Variants in NAV2 observed in about 807,000 individuals in gnomAD.
NAV2 encodes neuron navigator 2, also known as helicase, APC down-regulated 1.
A neutral mutation model predicts 223.2 loss-of-function variants in NAV2; 54 were observed. The ratio of observed to expected loss-of-function variants is 0.24; its 90% CI spans 0.19 to 0.30. The LOEUF is 0.30. Ranked by LOEUF, NAV2 falls within the 10% of genes least tolerant of loss-of-function variation. The probability of loss-of-function intolerance (pLI) is 1.00; values close to 1 mark genes in which losing one functional copy is unlikely to be tolerated. For missense variants in NAV2, 2,806 were observed against 3,147.5 expected (o/e 0.89, Z 2.60); for synonymous variants, 1,279 against 1,239.3 (o/e 1.03, Z -0.67).
chr11:19,850,566 G>A (rs1233429859), intron 3 of NAV2, among the ~76,000 whole-genome samples: 1 of 152,090 alleles, frequency 6.6e-6, no homozygotes, highest in African/African-American at 2.4e-5. Flanking sequence ...GTATTAATTT[G>A]GAAGTTCCTA....
chr11:19,867,251 A>T (rs1017389382), intron 3 of NAV2, among the ~76,000 whole-genome samples: 1 of 152,130 alleles, frequency 6.6e-6, no homozygotes, highest in African/African-American at 2.4e-5. Flanking sequence ...CCCCTCCCTC[A>T]TTCCCTCTAA....
At chr11:19,431,310 G>A (rs970982870) in intron 1 of NAV2, among the ~76,000 whole-genome samples, 2 of 152,168 alleles carry the variant, frequency 1.3e-5, no homozygotes, top group Admixed American at 6.5e-5. Context: ...TCTTTGCTGC[G>A]TTTAACGACT....
At chr11:19,495,297 A>G (rs2042759566) in intron 1 of NAV2, among the ~76,000 whole-genome samples, 1 of 152,224 alleles carries the variant, frequency 6.6e-6, no homozygotes, top group South Asian at 2.1e-4. Context: ...TCCAGAAATG[A>G]AGTAGTCCCT....
In NAV2 at chr11:19,770,462, A is replaced by G. The variant is rs986158287; in HGVS notation, c.267+56500A>G. The stretch of plus-strand genomic sequence containing the variant: ...GGGTCAGAGGTCTCCCAAAGATTGC[A>G]CAATTTCAACCCTTATCTGCTGCAT... On this transcript the variant is annotated intron_variant, in intron 1 of 37. Coordinates refer to ENST00000349880, the MANE Select transcript of NAV2 (RefSeq NM_145117.5). Among the ~76,000 whole-genome samples, 6 of 151,998 alleles carry G rather than the reference A, an allele frequency of 3.9e-5. 1 individual carries two copies.
intron 3 of NAV2, among the ~76,000 whole-genome samples, chr11:19,867,071 T>C (rs1358695907): frequency 6.6e-6 from 1 of 152,208 alleles, no homozygotes; most frequent in East Asian, 1.9e-4. Flanking sequence ...TACCACTGTG[T>C]ACAAAAGTAG....
At chr11:19,878,186 C>T (rs1388988522) in intron 4 of NAV2, among the ~76,000 whole-genome samples, 1 of 152,140 alleles carries the variant, frequency 6.6e-6, no homozygotes, top group Non-Finnish European at 1.5e-5. Flanking sequence ...TAAGAGCTCC[C>T]CACTCCCTGG....
chr11:19,859,137 C>CTCTTTTTTTTTTTTTTTTTTTTTT (rs1467179579), intron 3 of NAV2, among the ~76,000 whole-genome samples: 1 of 107,106 alleles, frequency 9.3e-6, no homozygotes, highest in African/African-American at 3.4e-5. Flanking sequence ...ATCATATTCT[C>CTCTTTTTTTTTTTTTTTTTTTTTT]TTTTTTTTTT....
chr11:19,618,156 A>G (rs2046854491), intron 1 of NAV2, among the ~76,000 whole-genome samples: 1 of 152,256 alleles, frequency 6.6e-6, no homozygotes, highest in Non-Finnish European at 1.5e-5. Flanking sequence ...GATGTAAATA[A>G]ATACCTAGAA....
At chr11:19,502,356 G>A (rs549171847) in intron 1 of NAV2, among the ~76,000 whole-genome samples, 5 of 152,092 alleles carry the variant, frequency 3.3e-5, no homozygotes, top group Non-Finnish European at 5.9e-5. Context: ...TAAGTAAATC[G>A]ACATAAAGCA....
chr11:19,993,221 A>C (rs2051519192), intron 11 of NAV2, among the ~76,000 whole-genome samples: 1 of 152,204 alleles, frequency 6.6e-6, no homozygotes, highest in Admixed American at 6.5e-5. Flanking sequence ...AACAATTCTC[A>C]AAAAACTCTA....
At chr11:19,945,139 T>C (rs2046805589) in intron 8 of NAV2, among the ~76,000 whole-genome samples, 2 of 148,888 alleles carry the variant, frequency 1.3e-5, no homozygotes, top group African/African-American at 5.0e-5. Context: ...CTTTCTTTCT[T>C]CCTTTCTTTC....
intron 11 of NAV2, among the ~76,000 whole-genome samples, chr11:20,004,202 A>T (rs2052820663): frequency 6.6e-6 from 1 of 152,194 alleles, no homozygotes; most frequent in South Asian, 2.1e-4. Flanking sequence ...ATATCACCTC[A>T]AAAGGCTTAA....
intron 1 of NAV2, among the ~76,000 whole-genome samples, chr11:19,394,709 T>C (rs1849381467): frequency 6.6e-6 from 1 of 151,712 alleles, no homozygotes. Context: ...AGTTGATGAG[T>C]GAAACAGGAG....
At chr11:19,624,701 C>G (rs2047111528) in intron 1 of NAV2, among the ~76,000 whole-genome samples, 1 of 152,200 alleles carries the variant, frequency 6.6e-6, no homozygotes, top group South Asian at 2.1e-4. Flanking sequence ...CCTTGTGCTT[C>G]CTGGGTGAGG....
chr11:19,572,994 AT>A, intron 1 of NAV2, among the ~76,000 whole-genome samples: 1 of 152,286 alleles, frequency 6.6e-6, no homozygotes, highest in Middle Eastern at 3.4e-3. Context: ...CACAAATTGC[AT>A]TTTTACACAA....
chr11:19,564,668 C>A (rs897442188), intron 1 of NAV2, among the ~76,000 whole-genome samples: 1 of 133,888 alleles, frequency 7.5e-6, no homozygotes, highest in Non-Finnish European at 1.5e-5. Context: ...TCCCTTCCTG[C>A]CGTCCCCTAG....
intron 1 of NAV2, among the ~76,000 whole-genome samples, chr11:19,426,933 A>G (rs1432477995): frequency 6.6e-6 from 1 of 152,216 alleles, no homozygotes; most frequent in Non-Finnish European, 1.5e-5. Flanking sequence ...CACACAGAGC[A>G]TCCATTTAAG....
intron 6 of NAV2, among the ~76,000 whole-genome samples, chr11:19,910,099 G>A (rs930034375): frequency 1.3e-5 from 2 of 152,078 alleles, no homozygotes; most frequent in African/African-American, 4.8e-5. Flanking sequence ...TCACTACTAG[G>A]AAGTGTCAGT....
Position 19,759,645 on chromosome 11 carries a change from A to G in NAV2, c.267+45683A>G, listed in dbSNP as rs2054562568. 2.0e-5 allele frequency among the ~76,000 whole-genome samples: 3 copies of G among 152,224 alleles called. No individual in the cohort carries two copies. The South Asian group carries it at 6.2e-4, about 32-fold the overall frequency. On this transcript the variant is annotated intron_variant, in intron 1 of 37. Transcript: ENST00000349880. The stretch of plus-strand genomic sequence containing the variant: ...TACTCCTGGGGTTGGCTCCCACATC[A>G]GGTACTACTTACTAGCTATGTTTTC...
Sources: allele counts gnomAD v4.1 joint callset (sites outside exome capture counted in the v4.1 genomes callset), GRCh38; gene constraint gnomAD v4.1.1; transcripts MANE v1.5; gene names NCBI Gene and HGNC (gene_info 2026-07-23, HGNC 2026-07-21).